MTARC2: variants seen among roughly 807,000 people sequenced by gnomAD.
MTARC2 encodes MOCO sulphurase C-terminal domain containing 2.
A neutral mutation model predicts 35.6 loss-of-function variants in MTARC2; 27 were observed. The observed-to-expected ratio is 0.76, with a 90% CI of 0.56 to 1.04. MTARC2 has a LOEUF of 1.04. Ranked by LOEUF, MTARC2 falls within the 50% of genes least tolerant of loss-of-function variation. The pLI is 0.00. For missense variants in MTARC2, 412 were observed against 432.5 expected (o/e 0.95, Z 0.42); for synonymous variants, 158 against 167.1 (o/e 0.95, Z 0.42).
At chr1:220,772,733 A>T (rs1395566295) in intron 4 of MTARC2, among the ~76,000 whole-genome samples, 1 of 150,740 alleles carries the variant, frequency 6.6e-6, no homozygotes, top group East Asian at 2.1e-4. Context: ...GGGGCAGTGG[A>T]TGCTGAAGAC....
chr1:220,766,859 A>AC (rs1671591788), intron 4 of MTARC2, among the ~76,000 whole-genome samples: 1 of 115,874 alleles, frequency 8.6e-6, no homozygotes, highest in Non-Finnish European at 1.6e-5. Flanking sequence ...AAATAAAAGT[A>AC]CAAAAAAAAA....
At chr1:220,769,732 G>C (rs1328821183) in intron 4 of MTARC2, among the ~76,000 whole-genome samples, 1 of 139,464 alleles carries the variant, frequency 7.2e-6, no homozygotes, top group Non-Finnish European at 1.5e-5. Flanking sequence ...AACTCCCTGG[G>C]CACTTTCTTC....
At chr1:220,767,604 T>A (rs951378468) in intron 4 of MTARC2, among the ~76,000 whole-genome samples, 3 of 152,198 alleles carry the variant, frequency 2.0e-5, no homozygotes, top group Non-Finnish European at 4.4e-5. Flanking sequence ...TTGGCCATTG[T>A]GGGGTCAGTG....
chr1:220,751,286 C>A (rs959765713), intron 1 of MTARC2, among the ~76,000 whole-genome samples: 2 of 152,146 alleles, frequency 1.3e-5, no homozygotes, highest in African/African-American at 4.8e-5. Context: ...GGCTTGAGCA[C>A]CCTAAGCATT....
At position 220,755,133 on chromosome 1, in the gene MTARC2, G is replaced by T. The variant is rs779283997; in HGVS notation, c.446+13G>T. 8.8e-6 allele frequency: 14 copies of T among 1,589,174 alleles called. No individual in the cohort carries two copies. Among genetic ancestry groups the T allele is most frequent in the Non-Finnish European group, 1.2e-5 (14 of 1,168,614 alleles). The stretch of plus-strand genomic sequence containing the variant: ...TCCACAACTGCAGGTGTTCCGCTTG[G>T]GGGCATCCACAGAACTGCAACAGGC... On this transcript the variant is annotated intron_variant, in intron 2 of 7. Transcript: ENST00000366913.
chr1:220,778,708 T>C (rs1437058650), intron 4 of MTARC2, among the ~76,000 whole-genome samples: 1 of 152,216 alleles, frequency 6.6e-6, no homozygotes, highest in Non-Finnish European at 1.5e-5. Flanking sequence ...TTGACTTTTT[T>C]GAGTTAAGAA....
chr1:220,769,934 C>CAAAAAAAAAAAAAAAA lies in MTARC2; in HGVS notation c.750+6892_750+6907dup, dbSNP rs57739324. On this transcript the variant is annotated intron_variant, in intron 4 of 7. Coordinates refer to ENST00000366913, the MANE Select transcript of MTARC2 (RefSeq NM_017898.5). ...TGAAACTCCATCTCTACTAAAAATA[C>CAAAAAAAAAAAAAAAA]AAAAAAAAAAAAAAAAAAAAAAATT... Among the ~76,000 whole-genome samples, 52 of 63,404 alleles carry CAAAAAAAAAAAAAAAA rather than the reference C, an allele frequency of 8.2e-4. No individual in the cohort carries two copies. The East Asian group carries it at 9.0e-3, about 11-fold the overall frequency. The allele number at this position is 63,404 out of a possible 152,430, so 41.6% of individuals were successfully genotyped here.
intron 1 of MTARC2, 70 bp downstream of exon 1, chr1:220,748,873 C>A (rs1671057896): frequency 1.4e-6 from 2 of 1,463,640 alleles, no homozygotes; most frequent in Non-Finnish European, 9.0e-7. Flanking sequence ...GCAGGTGGGG[C>A]CCGATCTATC....
chr1:220,758,621 G>A (rs907090740), intron 2 of MTARC2, among the ~76,000 whole-genome samples: 1 of 152,054 alleles, frequency 6.6e-6, no homozygotes, highest in Admixed American at 6.6e-5. Flanking sequence ...GTTTCACCAT[G>A]TTGGCCAGGT....
At position 220,781,739 on chromosome 1, in the gene MTARC2, C is replaced by T. The variant is rs72473904; in HGVS notation, c.885-39C>T. The T allele has an allele frequency of 2.6e-3, 4,167 of 1,609,388 alleles. 13 individuals carry two copies. Among genetic ancestry groups the T allele is most frequent in the Non-Finnish European group, 3.2e-3 (3,824 of 1,176,802 alleles). On this transcript the variant is annotated intron_variant, in intron 6 of 7. Coordinates refer to ENST00000366913, the MANE Select transcript of MTARC2 (RefSeq NM_017898.5). ...ATTGAGAATACTTCGATTATTATTT[C>T]CTTTTTGTGTCTGATGATTGAATTT...
At chr1:220,782,304 A>G (rs190821268) in intron 7 of MTARC2, among the ~76,000 whole-genome samples, 1 of 152,346 alleles carries the variant, frequency 6.6e-6, no homozygotes, top group East Asian at 1.9e-4. Context: ...CTCAGATAGA[A>G]GGGAAAATGT....
At chr1:220,767,495 G>C (rs1368108875) in intron 4 of MTARC2, among the ~76,000 whole-genome samples, 1 of 152,108 alleles carries the variant, frequency 6.6e-6, no homozygotes, top group African/African-American at 2.4e-5. Flanking sequence ...TTTTTAAAAG[G>C]CTGCTTCCTT....
At chr1:220,766,047 C>G (rs943204541) in intron 4 of MTARC2, among the ~76,000 whole-genome samples, 1 of 152,020 alleles carries the variant, frequency 6.6e-6, no homozygotes, top group Admixed American at 6.6e-5. Context: ...CCACGGGGGT[C>G]AGAGATGATA....
intron 3 of MTARC2, 67 bp from the exon 4 acceptor site, chr1:220,762,843 A>G: frequency 6.4e-7 from 1 of 1,567,348 alleles, no homozygotes; most frequent in Non-Finnish European, 8.7e-7. Flanking sequence ...GACATTACTT[A>G]GCTTTGTAGT....
chr1:220,763,073 G>A, intron 4 of MTARC2, 23 bp downstream of exon 4: 2 of 1,614,164 alleles, frequency 1.2e-6, no homozygotes, highest in Non-Finnish European at 8.5e-7. Flanking sequence ...CTGCTTTTGT[G>A]CATCATGCTC....
At chr1:220,776,605 C>T (rs538699645) in intron 4 of MTARC2, among the ~76,000 whole-genome samples, 2 of 152,110 alleles carry the variant, frequency 1.3e-5, no homozygotes, top group African/African-American at 4.8e-5. Flanking sequence ...GTAACTAGAG[C>T]CGGCATTTGG....
rs1194872674 is a variant in MTARC2, at chr1:220,754,930, G to A, written c.273-17G>A. The A allele has an allele frequency of 6.4e-7, 1 of 1,563,082 alleles. No homozygotes were observed. Among genetic ancestry groups the A allele is most frequent in the African/African-American group, 1.4e-5 (1 of 73,258 alleles). Reference sequence around the variant, plus strand: ...GAAGAGGATTTTCTGAGTGTGCCCTGGTTTGTTTCTCTGCAGGTTTTGGCT... The same window carrying A: ...GAAGAGGATTTTCTGAGTGTGCCCTAGTTTGTTTCTCTGCAGGTTTTGGCT... On this transcript the variant is annotated splice_polypyrimidine_tract_variant and intron_variant, in intron 1 of 7. Transcript: ENST00000366913.
intron 4 of MTARC2, among the ~76,000 whole-genome samples, chr1:220,763,438 A>T (rs143541264): frequency 1.3e-5 from 2 of 152,192 alleles, no homozygotes; most frequent in Non-Finnish European, 2.9e-5. Context: ...CAGAAGACCC[A>T]TGCCCCAAAG....
intron 5 of MTARC2, 34 bp from the exon 6 acceptor site, chr1:220,780,134 A>G (rs1672026730): frequency 6.2e-7 from 1 of 1,608,852 alleles, no homozygotes; most frequent in East Asian, 2.2e-5. Flanking sequence ...ATTGGTTCCT[A>G]AGCATCACCT....
Sources: allele counts gnomAD v4.1 joint callset (sites outside exome capture counted in the v4.1 genomes callset), GRCh38; gene constraint gnomAD v4.1.1; transcripts MANE v1.5; gene names NCBI Gene and HGNC (gene_info 2026-07-23, HGNC 2026-07-21).